Variants in AUH observed in about 807,000 individuals in gnomAD.
AUH encodes AU RNA binding methylglutaconyl-CoA hydratase, also known as methylglutaconyl-CoA hydratase, mitochondrial.
In AUH, 29 loss-of-function variants were observed where a neutral mutation model predicts 42.3. That is an observed-to-expected ratio of 0.69 (90% CI 0.51 to 0.93). The LOEUF is 0.93. Ranked by LOEUF, AUH falls within the 40% of genes least tolerant of loss-of-function variation. The probability of loss-of-function intolerance (pLI) is 0.00; values close to 1 mark genes in which losing one functional copy is unlikely to be tolerated. For synonymous variants in AUH, 174 were observed against 166.4 expected (o/e 1.05, Z -0.35); for missense variants, 452 against 438.1 (o/e 1.03, Z -0.28).
rs755393385 is a variant in AUH at position 91,361,661 on chromosome 9, G to A, written c.229C>T (p.Leu77=). The part of the protein sequence containing the change: ...YSSEMKTEDE[L]RVRHLEEENR... Reference sequence around the variant, plus strand: ...TCCTCCTCCAGGTGCCGCACCCGCAGCTCGTCCTCCGTCTTCATCTCAGAG... The same window carrying A: ...TCCTCCTCCAGGTGCCGCACCCGCAACTCGTCCTCCGTCTTCATCTCAGAG... The change falls in exon 1 of 10, where the codon CTG becomes TTG. Residue 77 remains leucine (L), a synonymous_variant. Coordinates refer to ENST00000375731, the MANE Select transcript of AUH (RefSeq NM_001698.3). 3 of 1,582,956 alleles carry A rather than the reference G, an allele frequency of 1.9e-6. No individual in the cohort carries two copies. The highest frequency in any genetic ancestry group is 2.3e-5 in the South Asian group (2 of 86,738).
At chr9:91,248,511 A>T (rs1214552778) in intron 6 of AUH, among the ~76,000 whole-genome samples, 3 of 152,248 alleles carry the variant, frequency 2.0e-5, no homozygotes, top group Admixed American at 2.0e-4. Context: ...GCCTGTGGGA[A>T]GCGGGAGTGC....
intron 3 of AUH, among the ~76,000 whole-genome samples, chr9:91,352,797 G>A (rs973530534): frequency 4.6e-5 from 7 of 152,176 alleles, no homozygotes; most frequent in African/African-American, 1.7e-4. Flanking sequence ...ACAGTTTAAA[G>A]GCTGATTAAT....
intron 6 of AUH, among the ~76,000 whole-genome samples, chr9:91,259,593 ATTGTT>A (rs1363000686): frequency 4.6e-5 from 7 of 152,200 alleles, no homozygotes; most frequent in African/African-American, 1.7e-4. Flanking sequence ...TCCTTCAAGC[ATTGTT>A]TTATCTACAT....
At chr9:91,233,789 G>A (rs115628753) in intron 6 of AUH, among the ~76,000 whole-genome samples, 3,783 of 152,288 alleles carry the variant, frequency 0.025, 72 homozygotes, top group East Asian at 0.058. Flanking sequence ...TTCTGTATAA[G>A]GTTACAATGG....
chr9:91,269,125 C>A (rs566796376), intron 6 of AUH, among the ~76,000 whole-genome samples: 43 of 152,248 alleles, frequency 2.8e-4, no homozygotes, highest in Non-Finnish European at 5.7e-4. Context: ...GGACTACAGG[C>A]GTGCGCCACC....
intron 6 of AUH, among the ~76,000 whole-genome samples, chr9:91,259,570 T>C (rs1829597678): frequency 6.6e-6 from 1 of 152,142 alleles, no homozygotes. Flanking sequence ...CCTAAGATTT[T>C]AAAGTTATAA....
chr9:91,303,633 G>T (rs1019946619), intron 4 of AUH, among the ~76,000 whole-genome samples: 3 of 152,146 alleles, frequency 2.0e-5, no homozygotes, highest in African/African-American at 7.2e-5. Context: ...AGCCCCACAG[G>T]ATTTTTAAAT....
At chr9:91,263,177 T>C (rs16907323) in intron 6 of AUH, among the ~76,000 whole-genome samples, 14,923 of 152,238 alleles carry the variant, frequency 0.098, 755 homozygotes, top group Middle Eastern at 0.12. Flanking sequence ...AATACACTGT[T>C]GGAAAGGATT....
intron 6 of AUH, among the ~76,000 whole-genome samples, chr9:91,275,811 G>A (rs1825494618): frequency 6.6e-6 from 1 of 152,222 alleles, no homozygotes; most frequent in African/African-American, 2.4e-5. Context: ...TGGAAATTAT[G>A]TTGATGAAAT....
chr9:91,304,908 C>T (rs1828090458), intron 4 of AUH, among the ~76,000 whole-genome samples: 1 of 152,122 alleles, frequency 6.6e-6, no homozygotes, highest in Admixed American at 6.6e-5. Context: ...TAGTAGTCTC[C>T]ACTTACGTGC....
chr9:91,221,197 T>C (rs1433070129), intron 6 of AUH, among the ~76,000 whole-genome samples: 3 of 152,196 alleles, frequency 2.0e-5, no homozygotes, highest in Non-Finnish European at 4.4e-5. Context: ...CTTGAGAACC[T>C]TACATCCTTA....
At chr9:91,304,631 A>T (rs1324830104) in intron 4 of AUH, among the ~76,000 whole-genome samples, 4 of 152,222 alleles carry the variant, frequency 2.6e-5, no homozygotes, top group African/African-American at 9.7e-5. Flanking sequence ...TACAAAAAGA[A>T]CAAGAAAAAT....
At chr9:91,294,573 C>T (rs1827166837) in intron 6 of AUH, 2 of 368,764 alleles carry the variant, frequency 5.4e-6, no homozygotes, top group South Asian at 2.1e-5. Flanking sequence ...ACAAAAACCA[C>T]ATTTCATAAG....
chr9:91,264,723 G>A (rs1472188977), intron 6 of AUH, among the ~76,000 whole-genome samples: 1 of 152,192 alleles, frequency 6.6e-6, no homozygotes, highest in Non-Finnish European at 1.5e-5. Flanking sequence ...TTGAGACTGA[G>A]AACAGCTTGG....
At chr9:91,241,481 T>G (rs566150506) in intron 6 of AUH, among the ~76,000 whole-genome samples, 1 of 152,164 alleles carries the variant, frequency 6.6e-6, no homozygotes, top group Admixed American at 6.5e-5. Flanking sequence ...AGGCTGGATA[T>G]TTTTTCCTTT....
chr9:91,320,061 T>C (rs1029096285), intron 4 of AUH, among the ~76,000 whole-genome samples: 1 of 152,230 alleles, frequency 6.6e-6, no homozygotes, highest in African/African-American at 2.4e-5. Flanking sequence ...CTAACATACT[T>C]GTGCTGCATG....
exon 1 of AUH, chr9:91,361,910 ACCTGCGACGG>A (rs1392042627): frequency 7.2e-7 from 1 of 1,379,604 alleles, no homozygotes; most frequent in African/African-American, 1.5e-5. Context: ...TACGGCGTGG[ACCTGCGACGG>A]CCGCTCCGCC....
intron 7 of AUH, among the ~76,000 whole-genome samples, 168 bp from the exon 8 acceptor site, chr9:91,217,495 G>A (rs1489321552): frequency 6.6e-6 from 1 of 151,948 alleles, no homozygotes; most frequent in Non-Finnish European, 1.5e-5. Context: ...TAATTAAAGA[G>A]CAACTGCAAC....
At chr9:91,298,190 C>A in intron 4 of AUH, 114 bp from the exon 5 acceptor site, 1 of 766,428 alleles carries the variant, frequency 1.3e-6, no homozygotes, top group Non-Finnish European at 2.2e-6. Context: ...CATATACAGA[C>A]TTTTGTATCC....
Sources: gnomAD v4.1 joint callset for allele counts (sites outside exome capture counted in the v4.1 genomes callset) on GRCh38, gnomAD v4.1.1 for gene constraint, MANE v1.5 for transcripts, NCBI Gene and HGNC (gene_info 2026-07-23, HGNC 2026-07-21) for gene names.